The following TOP1 variants were observed in gnomAD, a reference collection of about 807,000 sequenced individuals.
The protein encoded by TOP1 is DNA topoisomerase 1.
In TOP1, 10 loss-of-function variants were observed where a neutral mutation model predicts 111.1. That is an observed-to-expected ratio of 0.09 (90% CI 0.06 to 0.15). The LOEUF (loss-of-function observed/expected upper bound fraction) is 0.15, where lower values mean the gene tolerates loss of function less well. Ranked by LOEUF, TOP1 falls within the 10% of genes least tolerant of loss-of-function variation. The pLI is 1.00. For synonymous variants in TOP1, 271 were observed against 302.9 expected, an observed-to-expected ratio of 0.89 and a Z score of 1.10; for missense variants, 474 against 926.7, an observed-to-expected ratio of 0.51 and a Z score of 6.34.
chr20:41,105,807 T>C (rs914939385), intron 13 of TOP1, among the ~76,000 whole-genome samples: 3 of 152,230 alleles, frequency 2.0e-5, no homozygotes, highest in Admixed American at 6.5e-5. Flanking sequence ...TATTCTCTTG[T>C]TAAGAGGCAT....
At chr20:41,072,316 G>A in intron 3 of TOP1, 1 of 985,362 alleles carries the variant, frequency 1.0e-6, no homozygotes, top group Non-Finnish European at 1.2e-6. Context: ...CAGGCAGCCA[G>A]CAAATGAACT....
rs1310864941 is a variant in TOP1 at position 41,034,143 on chromosome 20, G to C, written c.58+4688G>C. 6.6e-6 allele frequency among the ~76,000 whole-genome samples: 1 copy of C among 152,232 alleles called. No individual in the cohort carries two copies. Among genetic ancestry groups the C allele is most frequent in the Admixed American group, 6.5e-5 (1 of 15,278 alleles). On this transcript the variant is annotated intron_variant, in intron 2 of 20. Transcript: ENST00000361337. This position sits in a 1 kb window ranked among gnomAD's most constrained non-coding sequence, Gnocchi z 4.0. ...GATAATAAGGGCATTTAGGCAAACA[G>C]TTGACACATGGATTTCTTAAGGTAA... is the stretch of plus-strand genomic sequence containing the variant.
rs1371193281 is a variant in TOP1, at chr20:41,124,330, T to G, written c.*1033T>G. ...AAGCAGAATTTTAATGTGAAGACAT[T>G]TTTTGCTATAATCATTAGTTTTAGA... On this transcript the variant is annotated 3_prime_UTR_variant, in exon 21 of 21. Transcript: ENST00000361337. The surrounding 1 kb of genome is among the most constrained non-coding windows in gnomAD (Gnocchi z 5.4). 8.6e-6 allele frequency: 2 copies of G among 233,234 alleles called. No homozygotes were observed. The highest frequency in any genetic ancestry group is 1.7e-5 in the Non-Finnish European group (2 of 117,872). The allele number at this position is 233,234 out of a possible 1,614,324, so 14.4% of individuals were successfully genotyped here.
chr20:41,039,273 A>G (rs957767790), intron 2 of TOP1, among the ~76,000 whole-genome samples: 6 of 152,136 alleles, frequency 3.9e-5, no homozygotes, highest in Non-Finnish European at 8.8e-5. Flanking sequence ...GAGATTTTTC[A>G]TTAGGCCTCA....
chr20:41,077,655 C>T lies in TOP1; in HGVS notation c.335+18C>T, dbSNP rs774172980. The T allele has an allele frequency of 2.4e-5, 39 of 1,612,192 alleles. No homozygotes were observed. Among genetic ancestry groups the T allele is most frequent in the Admixed American group, 6.7e-5 (4 of 59,978 alleles). On this transcript the variant is annotated intron_variant, in intron 5 of 20. Transcript: ENST00000361337. ...TTCTCTAGGTAAGACTTTGCTGCTG[C>T]GTGGGCTTCCCTTTCTCTGGGTGGA...
chr20:41,075,407 G>A (rs1321781812), intron 3 of TOP1, among the ~76,000 whole-genome samples: 1 of 152,156 alleles, frequency 6.6e-6, no homozygotes, highest in Non-Finnish European at 1.5e-5. Flanking sequence ...TCCTGACCTC[G>A]TGATCCGCCT....
chr20:41,097,407 A>G lies in TOP1; in HGVS notation c.852+66A>G. ...ACAATCAAGTACTAAGTAATAAATT[A>G]TCATTTTGCAAAACATTTCCTGATG... On this transcript the variant is annotated intron_variant, in intron 10 of 20. Transcript: ENST00000361337. This position sits in a 1 kb window ranked among gnomAD's most constrained non-coding sequence, Gnocchi z 4.2. 6.9e-7 allele frequency: 1 copy of G among 1,444,410 alleles called. No individual in the cohort carries two copies. The highest frequency in any genetic ancestry group is 1.4e-5 in the South Asian group (1 of 73,394). The allele number at this position is 1,444,410 out of a possible 1,614,324, so 89.5% of individuals were successfully genotyped here.
At chr20:41,063,154 TG>T (rs2033566305) in intron 3 of TOP1, among the ~76,000 whole-genome samples, 1 of 152,216 alleles carries the variant, frequency 6.6e-6, no homozygotes, top group African/African-American at 2.4e-5. Flanking sequence ...GAGCACCCGA[TG>T]TTTAGCTCCT....
At chr20:41,073,052 GA>G in intron 3 of TOP1, 3 of 985,366 alleles carry the variant, frequency 3.0e-6, no homozygotes, top group Non-Finnish European at 3.6e-6. Flanking sequence ...GCAGGCAGAG[GA>G]AATATCGTTG....
intron 2 of TOP1, among the ~76,000 whole-genome samples, chr20:41,051,139 A>T (rs534085000): frequency 6.6e-6 from 1 of 152,206 alleles, no homozygotes; most frequent in African/African-American, 2.4e-5. Flanking sequence ...CAGAAGTTAT[A>T]TTGTGAGTGT....
In TOP1 at chr20:41,080,597, G is replaced by A. The variant is rs1037216187; in HGVS notation, c.431+417G>A. Among the ~76,000 whole-genome samples, 1 of 151,982 alleles carries A rather than the reference G, an allele frequency of 6.6e-6. No homozygotes were observed. The highest frequency in any genetic ancestry group is 1.5e-5 in the Non-Finnish European group (1 of 67,990). On this transcript the variant is annotated intron_variant, in intron 6 of 20. Transcript: ENST00000361337. The surrounding 1 kb of genome is among the most constrained non-coding windows in gnomAD (Gnocchi z 5.0). ...AAAATAATAAAACTGCTCATAAAAC[G>A]GTCGAGGCTTACATGTATCTCTTTC...
intron 2 of TOP1, among the ~76,000 whole-genome samples, chr20:41,056,123 A>C (rs1054229077): frequency 8.5e-5 from 13 of 152,204 alleles, no homozygotes; most frequent in Non-Finnish European, 1.8e-4. Context: ...TATTATAAGC[A>C]AATTCCAGGC....
At chr20:41,040,798 C>T (rs2033253604) in intron 2 of TOP1, among the ~76,000 whole-genome samples, 1 of 100,288 alleles carries the variant, frequency 1.0e-5, no homozygotes, top group South Asian at 3.4e-4. Flanking sequence ...AGCGAGGCAT[C>T]GTCTCAAAAA....
In TOP1 at chr20:41,101,419, C is replaced by T. The variant is rs2034062515; in HGVS notation, c.1308+66C>T. On this transcript the variant is annotated intron_variant, in intron 13 of 20. Coordinates refer to ENST00000361337, the MANE Select transcript of TOP1 (RefSeq NM_003286.4). The surrounding 1 kb of genome is among the most constrained non-coding windows in gnomAD (Gnocchi z 4.1). Reference sequence around the variant, plus strand: ...ATAACCTTTTTTTGTTGAAATGTAACGTTCTCGTCCTCTAGAATCACTTTG... The same window carrying T: ...ATAACCTTTTTTTGTTGAAATGTAATGTTCTCGTCCTCTAGAATCACTTTG... 8 of 1,488,898 alleles carry T rather than the reference C, an allele frequency of 5.4e-6. No homozygotes were observed. The highest frequency in any genetic ancestry group is 2.0e-5 in the Admixed American group (1 of 49,994). The allele number at this position is 1,488,898 out of a possible 1,614,324, so 92.2% of individuals were successfully genotyped here. A position where few individuals can be genotyped will look rare whatever the true frequency, so the allele number is the denominator to read the frequency against.
chr20:41,111,702 A>G, intron 13 of TOP1, among the ~76,000 whole-genome samples: 1 of 150,038 alleles, frequency 6.7e-6, no homozygotes, highest in East Asian at 2.0e-4. Flanking sequence ...GGTCCACGTC[A>G]TAGTCAGGAA....
At chr20:41,089,056 G>A (rs1299238516) in intron 8 of TOP1, among the ~76,000 whole-genome samples, 3 of 77,678 alleles carry the variant, frequency 3.9e-5, no homozygotes, top group Admixed American at 3.7e-4. Context: ...ACAGAGTCTC[G>A]CTCTGTCGCC....
chr20:41,028,877 C>A lies in TOP1; in HGVS notation c.-191C>A, dbSNP rs140822387. ...CTGGGGTCTGTTCTCGCCGCCCGCCCGGCAGTCAGGCAGCGTCGCCGCCGT... is the reference window on the plus strand; with the variant it reads ...CTGGGGTCTGTTCTCGCCGCCCGCCAGGCAGTCAGGCAGCGTCGCCGCCGT... On this transcript the variant is annotated 5_prime_UTR_variant, in exon 1 of 21. Coordinates refer to ENST00000361337, the MANE Select transcript of TOP1 (RefSeq NM_003286.4). The A allele has an allele frequency of 2.8e-3, 1,562 of 562,014 alleles. 24 individuals carry two copies. In the African/African-American group the frequency reaches 0.028, roughly 10 times the overall value. 34.8% of individuals were successfully genotyped at this position (562,014 alleles called of 1,614,324 possible).
intron 13 of TOP1, among the ~76,000 whole-genome samples, chr20:41,111,826 T>C (rs1368975698): frequency 6.6e-6 from 1 of 152,154 alleles, no homozygotes; most frequent in East Asian, 1.9e-4. Flanking sequence ...TCATCTAGTC[T>C]GTTTTATGCT....
At chr20:41,047,630 T>A (rs1250101051) in intron 2 of TOP1, among the ~76,000 whole-genome samples, 5 of 152,260 alleles carry the variant, frequency 3.3e-5, no homozygotes, top group Non-Finnish European at 5.9e-5. Context: ...AATGTGGCCA[T>A]GCTCATTCAT....
Sources: gnomAD v4.1 joint callset for allele counts (sites outside exome capture counted in the v4.1 genomes callset) on GRCh38, gnomAD v4.1.1 for gene constraint, Gnocchi (gnomAD v3.1) non-coding constraint, MANE v1.5 for transcripts, NCBI Gene and HGNC (gene_info 2026-07-23, HGNC 2026-07-21) for gene names.